The following GCFC2 variants were observed in gnomAD, a reference collection of about 807,000 sequenced individuals.
GCFC2 encodes intron Large complex component GCFC2.
A neutral mutation model predicts 99.4 loss-of-function variants in GCFC2; 102 were observed. The ratio of observed to expected loss-of-function variants is 1.03; its 90% CI spans 0.87 to 1.21. The LOEUF is 1.21. GCFC2 is among the 50% of genes most tolerant of loss of function. The probability of loss-of-function intolerance (pLI) is 0.00; values close to 1 mark genes in which losing one functional copy is unlikely to be tolerated. For missense variants in GCFC2, 973 were observed against 920.9 expected, an observed-to-expected ratio of 1.06 and a Z score of -0.73; for synonymous variants, 338 against 316.8, an observed-to-expected ratio of 1.07 and a Z score of -0.71.
At chr2:75,690,463 A>G in intron 8 of GCFC2, 175 bp downstream of exon 8, 1 of 565,126 alleles carries the variant, frequency 1.8e-6, no homozygotes, top group Non-Finnish European at 3.1e-6. Context: ...AAATACACCA[A>G]TGTGTCTTTA....
intron 12 of GCFC2, among the ~76,000 whole-genome samples, chr2:75,679,162 G>A (rs1679465975): frequency 6.6e-6 from 1 of 152,164 alleles, no homozygotes; most frequent in East Asian, 1.9e-4. Context: ...TTTTCTCTGA[G>A]ATTACATGCT....
In GCFC2 at chr2:75,703,791, GTA is replaced by G. The variant is rs555592612; in HGVS notation, c.395-1370_395-1369del. Among the ~76,000 whole-genome samples the G allele has an allele frequency of 1.7e-3, 258 of 152,316 alleles. 1 individual carries two copies. Among genetic ancestry groups the G allele is most frequent in the African/African-American group, 5.9e-3 (247 of 41,576 alleles). On this transcript the variant is annotated intron_variant, in intron 2 of 16. Coordinates refer to ENST00000321027, the MANE Select transcript of GCFC2 (RefSeq NM_003203.5). Reference sequence around the variant, plus strand: ...TGATCTGAGGCAGAGCTGAGCAGAAGTATGTTTTTATAGCTCCCTAGAGGATT... The same window carrying G: ...TGATCTGAGGCAGAGCTGAGCAGAAGTGTTTTTATAGCTCCCTAGAGGATT...
At chr2:75,696,341 C>T (rs1300631075) in intron 4 of GCFC2, 26 bp from the exon 5 acceptor site, 2 of 961,564 alleles carry the variant, frequency 2.1e-6, no homozygotes, top group Non-Finnish European at 3.4e-6. Flanking sequence ...TAGATTTTTA[C>T]AAAACCATTT....
Position 75,663,974 on chromosome 2 carries a change from A to T in GCFC2, c.*692T>A, listed in dbSNP as rs935384829. ...AAATATAAAGGTCTTAAAGTCCATA[A>T]GAAAAAGATGGATATTTCAGAAATA... is the stretch of plus-strand genomic sequence containing the variant. On this transcript the variant is annotated 3_prime_UTR_variant, in exon 17 of 17. Coordinates refer to ENST00000321027, the MANE Select transcript of GCFC2 (RefSeq NM_003203.5). The T allele has an allele frequency of 1.9e-4, 29 of 152,216 alleles. No homozygotes were observed. The highest frequency in any genetic ancestry group is 7.0e-4 in the African/African-American group (29 of 41,466). 9.4% of individuals were successfully genotyped at this position (152,216 alleles called of 1,614,324 possible).
chr2:75,680,388 C>T, intron 11 of GCFC2, 74 bp from the exon 12 acceptor site: 1 of 1,248,798 alleles, frequency 8.0e-7, no homozygotes, highest in South Asian at 1.4e-5. Flanking sequence ...ATAATCAAGA[C>T]CTTTAACAAA....
chr2:75,710,953 G>T, upstream of GCFC2: 2 of 1,368,052 alleles, frequency 1.5e-6, no homozygotes, highest in Non-Finnish European at 1.9e-6. Context: ...GCGCCTGGCC[G>T]CCGAGTGCGC....
rs141140686 is a variant in GCFC2 at position 75,671,374 on chromosome 2, A to G, written c.1956+576T>C. Among the ~76,000 whole-genome samples the G allele has an allele frequency of 1.6e-3, 248 of 152,322 alleles. 1 individual carries two copies. The highest frequency in any genetic ancestry group is 5.7e-3 in the African/African-American group (236 of 41,582). The stretch of plus-strand genomic sequence containing the variant: ...CTCAGATCTGTCTCCTGAAATTCAG[A>G]CTTATGTATCCAACCACCTCCTAGA... On this transcript the variant is annotated intron_variant, in intron 14 of 16. Coordinates refer to ENST00000321027, the MANE Select transcript of GCFC2 (RefSeq NM_003203.5).
chr2:75,701,119 G>T, intron 4 of GCFC2, 71 bp downstream of exon 4: 1 of 853,088 alleles, frequency 1.2e-6, no homozygotes, highest in African/African-American at 1.7e-5. Flanking sequence ...GTTCTTTTGA[G>T]TCACCAAGTT....
At chr2:75,690,457 A>G (rs1265735630) in intron 8 of GCFC2, 181 bp downstream of exon 8, 1 of 561,136 alleles carries the variant, frequency 1.8e-6, no homozygotes, top group East Asian at 3.1e-5. Context: ...TGATCCAAAT[A>G]CACCAATGTG....
At chr2:75,689,618 G>C (rs1219803810) in intron 9 of GCFC2, among the ~76,000 whole-genome samples, 1 of 152,036 alleles carries the variant, frequency 6.6e-6, no homozygotes, top group Admixed American at 6.6e-5. Context: ...TCAACTATAT[G>C]CATCTTCTCA....
At chr2:75,671,455 A>G (rs1235163733) in intron 14 of GCFC2, among the ~76,000 whole-genome samples, 1 of 152,158 alleles carries the variant, frequency 6.6e-6, no homozygotes, top group African/African-American at 2.4e-5. Context: ...AATAGATCTT[A>G]TCTTCCCTTG....
chr2:75,670,581 G>A (rs530785827), intron 14 of GCFC2: 20 of 228,564 alleles, frequency 8.8e-5, no homozygotes, highest in South Asian at 7.8e-4. Flanking sequence ...TCTCAAAGCC[G>A]GGGGCCATCA....
At position 75,680,266 on chromosome 2, in the gene GCFC2, CTTG is replaced by C. The variant is rs759624389; in HGVS notation, c.1736_1738del (p.Thr579del). 4.4e-6 allele frequency: 7 copies of C among 1,607,490 alleles called. No homozygotes were observed. Among genetic ancestry groups the C allele is most frequent in the Admixed American group, 1.7e-5 (1 of 59,964 alleles). The stretch of plus-strand genomic sequence containing the variant: ...AATCACTCTGCAATGTGTTATTAAA[CTTG>C]TTGTCTGTGAGGTTGACAAAGGATC... On this transcript the variant is annotated inframe_deletion, in exon 12 of 17. Coordinates refer to ENST00000321027, the MANE Select transcript of GCFC2 (RefSeq NM_003203.5).
At chr2:75,704,939 C>T (rs1466383471) in intron 2 of GCFC2, among the ~76,000 whole-genome samples, 1 of 152,176 alleles carries the variant, frequency 6.6e-6, no homozygotes, top group Non-Finnish European at 1.5e-5. Context: ...GCCTCCCAAA[C>T]TGCAGACATG....
At chr2:75,667,704 G>C (rs1185955630) in intron 15 of GCFC2, among the ~76,000 whole-genome samples, 1 of 152,052 alleles carries the variant, frequency 6.6e-6, no homozygotes, top group Non-Finnish European at 1.5e-5. Context: ...TGTAGCTTTT[G>C]CGTTAATGAT....
At chr2:75,706,453 CATT>C (rs1244522801) in intron 2 of GCFC2, 67 bp downstream of exon 2, 1 of 1,002,916 alleles carries the variant, frequency 1.0e-6, no homozygotes, top group Non-Finnish European at 1.5e-6. Flanking sequence ...TTTGTTATGT[CATT>C]AATAACTATA....
chr2:75,701,315 C>T (rs749405744), intron 3 of GCFC2, 28 bp from the exon 4 acceptor site: 12 of 1,339,016 alleles, frequency 9.0e-6, no homozygotes, highest in South Asian at 2.4e-5. Flanking sequence ...CACATGTAAA[C>T]GTTTAGTATT....
chr2:75,706,733 T>C, intron 1 of GCFC2, 82 bp from the exon 2 acceptor site: 1 of 861,624 alleles, frequency 1.2e-6, no homozygotes, highest in Non-Finnish European at 1.9e-6. Flanking sequence ...ACACATGGCA[T>C]ATGTATAATA....
intron 4 of GCFC2, among the ~76,000 whole-genome samples, chr2:75,696,635 A>C (rs113784958): frequency 1.3e-5 from 2 of 152,206 alleles, no homozygotes; most frequent in South Asian, 2.1e-4. Flanking sequence ...ATGAATATTA[A>C]TTTGTGGAGT....
Sources: gnomAD v4.1 joint callset for allele counts (sites outside exome capture counted in the v4.1 genomes callset) on GRCh38, gnomAD v4.1.1 for gene constraint, MANE v1.5 for transcripts, NCBI Gene and HGNC (gene_info 2026-07-23, HGNC 2026-07-21) for gene names.